The following PTPRD variants were observed in gnomAD, a reference collection of about 807,000 sequenced individuals.
PTPRD encodes protein tyrosine phosphatase receptor type D, also known as receptor-type tyrosine-protein phosphatase delta.
Under a neutral mutation model 214.5 loss-of-function variants are expected in PTPRD, and 34 were observed. The ratio of observed to expected loss-of-function variants is 0.16; its 90% confidence interval spans 0.12 to 0.21. The LOEUF is 0.21. Among genes scored for constraint, PTPRD ranks in the 10% least tolerant of loss-of-function variants. PTPRD has a pLI of 1.00. For missense variants in PTPRD, 2,545 were observed against 2,398.7 expected, an observed-to-expected ratio of 1.06 and a Z score of -1.27; for synonymous variants, 1,128 against 845.7, an observed-to-expected ratio of 1.33 and a Z score of -5.79.
At chr9:8,529,320 TCTTATAACTCTGTTTTCC>T (rs1166588349) in intron 14 of PTPRD, among the ~76,000 whole-genome samples, 1 of 152,110 alleles carries the variant, frequency 6.6e-6, no homozygotes, top group Non-Finnish European at 1.5e-5. Flanking sequence ...GGTATGTTTT[TCTTATAACTCTGTTTTCC>T]CTCACAAGTA....
chr9:8,464,092 G>C (rs1235994346), intron 32 of PTPRD, among the ~76,000 whole-genome samples: 1 of 151,912 alleles, frequency 6.6e-6, no homozygotes, highest in African/African-American at 2.4e-5. Flanking sequence ...TTTATCAGTT[G>C]TGACACATTT....
At chr9:9,946,233 T>A (rs773643403) in intron 4 of PTPRD, among the ~76,000 whole-genome samples, 41 of 152,222 alleles carry the variant, frequency 2.7e-4, no homozygotes, top group Non-Finnish European at 5.3e-4. Context: ...TCTTGCTCAT[T>A]CTCAGCACTT....
At chr9:8,669,681 T>C (rs1187116441) in intron 12 of PTPRD, among the ~76,000 whole-genome samples, 1 of 151,622 alleles carries the variant, frequency 6.6e-6, no homozygotes. Context: ...ATTAGAAGAG[T>C]AAGAGTAGAG....
At chr9:10,402,451 T>C (rs538388077) in intron 2 of PTPRD, among the ~76,000 whole-genome samples, 4 of 151,874 alleles carry the variant, frequency 2.6e-5, no homozygotes, top group African/African-American at 9.6e-5. Flanking sequence ...ATTTTAATTT[T>C]AAGATGAGAA....
intron 2 of PTPRD, among the ~76,000 whole-genome samples, chr9:10,490,362 C>T (rs1024300773): frequency 6.6e-6 from 1 of 151,874 alleles, no homozygotes; most frequent in Non-Finnish European, 1.5e-5. Flanking sequence ...GAAAGAAAAA[C>T]AGAAAATAGG....
intron 9 of PTPRD, among the ~76,000 whole-genome samples, chr9:9,288,046 T>G (rs1950059569): frequency 2.0e-5 from 3 of 151,794 alleles, no homozygotes. Context: ...AGATTTCCTA[T>G]TAATATTTTA....
intron 14 of PTPRD, among the ~76,000 whole-genome samples, chr9:8,625,209 ATAC>A (rs1043456800): frequency 1.4e-3 from 210 of 152,004 alleles, no homozygotes; most frequent in Admixed American, 2.4e-3. Context: ...ATATATATAT[ATAC>A]TACATGTACA....
At chr9:10,560,963 G>T (rs1353683151) in intron 2 of PTPRD, among the ~76,000 whole-genome samples, 1 of 152,168 alleles carries the variant, frequency 6.6e-6, no homozygotes, top group Non-Finnish European at 1.5e-5. Context: ...TGATGAATGT[G>T]GGTGAATTGG....
chr9:10,121,221 A>G (rs932841761), intron 3 of PTPRD, among the ~76,000 whole-genome samples: 28 of 152,156 alleles, frequency 1.8e-4, no homozygotes, highest in Admixed American at 3.3e-4. Flanking sequence ...AAATTTATAG[A>G]GACTGTTTTA....
At chr9:8,886,686 C>G (rs1387976757) in intron 11 of PTPRD, among the ~76,000 whole-genome samples, 1 of 152,134 alleles carries the variant, frequency 6.6e-6, no homozygotes, top group Middle Eastern at 3.2e-3. Flanking sequence ...GTCAGCACCC[C>G]CTACCCCTTG....
chr9:10,471,742 A>G (rs921486339), intron 2 of PTPRD, among the ~76,000 whole-genome samples: 6 of 152,186 alleles, frequency 3.9e-5, no homozygotes, highest in African/African-American at 1.2e-4. Flanking sequence ...TCGTTATAGT[A>G]ATAAGTATAA....
chr9:9,145,263 G>C (rs963812768), intron 10 of PTPRD, among the ~76,000 whole-genome samples: 3 of 152,098 alleles, frequency 2.0e-5, no homozygotes, highest in Non-Finnish European at 4.4e-5. Flanking sequence ...ATTACTAGAA[G>C]TTTCCTAAAT....
At chr9:10,302,475 G>A (rs909467600) in intron 3 of PTPRD, among the ~76,000 whole-genome samples, 2 of 152,142 alleles carry the variant, frequency 1.3e-5, no homozygotes, top group Non-Finnish European at 2.9e-5. Context: ...CTGGCAAACT[G>A]GATAAAGAGT....
chr9:9,322,291 G>A (rs1966858992), intron 9 of PTPRD, among the ~76,000 whole-genome samples: 1 of 152,230 alleles, frequency 6.6e-6, no homozygotes, highest in South Asian at 2.1e-4. Context: ...ACTGATTACT[G>A]GGCATTTGCT....
rs552293249 is a variant in PTPRD, at chr9:10,063,870, T to C, written c.-544-30080A>G. Among the ~76,000 whole-genome samples, 9 of 152,088 alleles carry C rather than the reference T, an allele frequency of 5.9e-5. No homozygotes were observed. The East Asian group carries it at 1.8e-3, about 30-fold the overall frequency. ...AACAAAAACAACACCTCAGAATCTCTAGCTCCCAGTGGATAGTCCTCAAAT... is the reference window on the plus strand; with the variant it reads ...AACAAAAACAACACCTCAGAATCTCCAGCTCCCAGTGGATAGTCCTCAAAT... On this transcript the variant is annotated intron_variant, in intron 3 of 45. Transcript: ENST00000381196.
chr9:10,292,278 C>T (rs1429979497), intron 3 of PTPRD, among the ~76,000 whole-genome samples: 2 of 151,994 alleles, frequency 1.3e-5, no homozygotes, highest in Admixed American at 6.6e-5. Flanking sequence ...CCTTCAATGT[C>T]TCTGAAATCA....
chr9:9,311,848 A>AT (rs1205576562), intron 9 of PTPRD, among the ~76,000 whole-genome samples: 1 of 152,204 alleles, frequency 6.6e-6, no homozygotes, highest in African/African-American at 2.4e-5. Flanking sequence ...TCCTAGGTAG[A>AT]TAAAAATAGA....
chr9:10,218,197 G>C (rs1399083008), intron 3 of PTPRD, among the ~76,000 whole-genome samples: 1 of 151,814 alleles, frequency 6.6e-6, no homozygotes, highest in Non-Finnish European at 1.5e-5. Context: ...TAGCGTCTTA[G>C]TAAAGGCAGA....
At chr9:9,301,087 T>C (rs1955109562) in intron 9 of PTPRD, among the ~76,000 whole-genome samples, 1 of 151,848 alleles carries the variant, frequency 6.6e-6, no homozygotes, top group East Asian at 1.9e-4. Context: ...AAGTCTTTCA[T>C]ATAATTTAAG....
Sources: allele counts gnomAD v4.1 joint callset (sites outside exome capture counted in the v4.1 genomes callset), GRCh38; gene constraint gnomAD v4.1.1; transcripts MANE v1.5; gene names NCBI Gene and HGNC (gene_info 2026-07-23, HGNC 2026-07-21).